Variants in RASA3 observed in about 807,000 individuals in gnomAD.
RASA3 encodes the protein ras GTPase-activating protein 3.
RASA3 carries 73 observed loss-of-function variants against 110.0 expected under a neutral mutation model. The ratio of observed to expected loss-of-function variants is 0.66; its 90% CI spans 0.55 to 0.81. RASA3 has a LOEUF of 0.81. RASA3 is among the 30% of genes least tolerant of loss of function. RASA3 has a pLI of 0.00. For synonymous variants in RASA3, 500 were observed against 451.4 expected (o/e 1.11, Z -1.37); for missense variants, 976 against 1,113.2 (o/e 0.88, Z 1.75).
intron 2 of RASA3, among the ~76,000 whole-genome samples, chr13:114,069,547 G>A (rs1343497572): frequency 1.7e-3 from 28 of 16,444 alleles, no homozygotes; most frequent in Admixed American, 2.2e-3. Context: ...CTCAGGGGTC[G>A]GGAGACTCGG....
chr13:114,060,692 C>T (rs1370142533), intron 2 of RASA3, among the ~76,000 whole-genome samples: 1 of 152,224 alleles, frequency 6.6e-6, no homozygotes, highest in African/African-American at 2.4e-5. Context: ...GCAGCTGGAG[C>T]CGCGCACGCC....
chr13:114,030,412 A>G lies in RASA3; in HGVS notation c.373-525T>C, dbSNP rs540474795. On this transcript the variant is annotated intron_variant, in intron 4 of 23. Transcript: ENST00000334062. Reference sequence around the variant, plus strand: ...CACAGGAGGCAAGACTCACGCAGAGAGCAAGACTCACACAGAGGGCAAGGC... The same window carrying G: ...CACAGGAGGCAAGACTCACGCAGAGGGCAAGACTCACACAGAGGGCAAGGC... Among the ~76,000 whole-genome samples, 409 of 59,892 alleles carry G rather than the reference A, an allele frequency of 6.8e-3. 9 individuals carry two copies. The highest frequency in any genetic ancestry group is 0.019 in the African/African-American group (356 of 18,890). The allele number at this position is 59,892 out of a possible 152,430, so 39.3% of individuals were successfully genotyped here.
intron 8 of RASA3, 73 bp from the exon 9 acceptor site, chr13:114,021,581 T>C (rs912429557): frequency 1.6e-6 from 2 of 1,247,864 alleles, no homozygotes; most frequent in Admixed American, 3.6e-5. Flanking sequence ...CAGGCCACGC[T>C]TTGTTCCCCC....
At chr13:114,004,681 G>A (rs1164665873) in intron 18 of RASA3, among the ~76,000 whole-genome samples, 2 of 152,170 alleles carry the variant, frequency 1.3e-5, no homozygotes, top group South Asian at 2.1e-4. Context: ...GCGCTTGCAC[G>A]CTGTGGGGAA....
chr13:114,060,684 A>G (rs1187192858), intron 2 of RASA3, among the ~76,000 whole-genome samples: 1 of 152,214 alleles, frequency 6.6e-6, no homozygotes, highest in Admixed American at 6.5e-5. Flanking sequence ...GGCAGGACGC[A>G]GCTGGAGCCG....
chr13:114,103,065 C>T (rs1305808204), intron 1 of RASA3, among the ~76,000 whole-genome samples: 1 of 152,166 alleles, frequency 6.6e-6, no homozygotes, highest in Admixed American at 6.5e-5. Context: ...GCAGCCGGCC[C>T]CAGGGGGAGA....
chr13:114,029,988 C>T (rs1456690986), intron 4 of RASA3, 101 bp from the exon 5 acceptor site: 18 of 1,096,226 alleles, frequency 1.6e-5, no homozygotes, highest in African/African-American at 3.1e-5. Context: ...AGGGAGCAGG[C>T]GGCCCCGCCC....
rs1421836247 is a variant in RASA3 at position 114,046,237 on chromosome 13, C to T, written c.278-5143G>A. Among the ~76,000 whole-genome samples the T allele has an allele frequency of 2.0e-5, 3 of 152,230 alleles. No homozygotes were observed. In the East Asian group the frequency reaches 5.8e-4, roughly 29 times the overall value. ...ACAGGTGGATCAATATGACACACAG[C>T]AGGCGAGCCCCAAATTGGGGCTTAG... On this transcript the variant is annotated intron_variant, in intron 3 of 23. Transcript: ENST00000334062.
At position 114,114,269 on chromosome 13, in the gene RASA3, G is replaced by T. The variant is rs2080252184; in HGVS notation, c.55+18166C>A. ...AAAGGCAACCGCAAATTCAGCTGCG[G>T]AGTGCAAAACGAATTTCCTCCTGTC... is the stretch of plus-strand genomic sequence containing the variant. On this transcript the variant is annotated intron_variant, in intron 1 of 23. Transcript: ENST00000334062. The surrounding 1 kb of genome is among the most constrained non-coding windows in gnomAD (Gnocchi z 4.8). Among the ~76,000 whole-genome samples the T allele has an allele frequency of 6.6e-6, 1 of 152,222 alleles. No individual in the cohort carries two copies. The highest frequency in any genetic ancestry group is 1.5e-5 in the Non-Finnish European group (1 of 68,042).
At chr13:113,980,655 A>C (rs1285978370) in intron 23 of RASA3, among the ~76,000 whole-genome samples, 1 of 152,258 alleles carries the variant, frequency 6.6e-6, no homozygotes, top group African/African-American at 2.4e-5. Flanking sequence ...GTCTCCCCAG[A>C]AGGGTGTCGA....
chr13:114,122,350 C>CA (rs1341578641), intron 1 of RASA3, among the ~76,000 whole-genome samples: 3 of 152,382 alleles, frequency 2.0e-5, no homozygotes, highest in African/African-American at 7.2e-5. Flanking sequence ...GAGAGTCCGG[C>CA]ATGGCCAGTC....
intron 1 of RASA3, among the ~76,000 whole-genome samples, chr13:114,104,749 G>A (rs970880915): frequency 6.6e-6 from 1 of 152,152 alleles, no homozygotes; most frequent in African/African-American, 2.4e-5. Context: ...AAGACTGCCT[G>A]AGAGAGCAGC....
In RASA3 at chr13:114,124,017, G is replaced by A. The variant is rs147629767; in HGVS notation, c.55+8418C>T. Among the ~76,000 whole-genome samples, 493 of 152,266 alleles carry A rather than the reference G, an allele frequency of 3.2e-3. 1 individual carries two copies. The highest frequency in any genetic ancestry group is 0.011 in the African/African-American group (467 of 41,554). ...AATTCCAGGTCAAGGCACCGGTTTC[G>A]GTCCCCAGTGCGGCTCCTGTCTCCT... On this transcript the variant is annotated intron_variant, in intron 1 of 23. Coordinates refer to ENST00000334062, the MANE Select transcript of RASA3 (RefSeq NM_007368.4).
chr13:114,022,432 CCA>C (rs1030832980), intron 8 of RASA3, among the ~76,000 whole-genome samples: 5 of 152,274 alleles, frequency 3.3e-5, no homozygotes, highest in African/African-American at 1.2e-4. Flanking sequence ...GGGCCTGAAA[CCA>C]CACAGTTACA....
intron 17 of RASA3, 143 bp downstream of exon 17, chr13:114,009,244 C>G: frequency 1.5e-6 from 1 of 673,902 alleles, no homozygotes; most frequent in South Asian, 1.8e-5. Flanking sequence ...GTCTGGACAG[C>G]GCTGTGAATG....
At chr13:114,078,524 G>A (rs1024931234) in intron 1 of RASA3, among the ~76,000 whole-genome samples, 2 of 152,130 alleles carry the variant, frequency 1.3e-5, no homozygotes, top group Non-Finnish European at 1.5e-5. Flanking sequence ...AAACATATGC[G>A]GTGTGTTCAC....
In RASA3 at chr13:114,056,070, G is replaced by A. The variant is rs1382552839; in HGVS notation, c.174-3915C>T. Among the ~76,000 whole-genome samples the A allele has an allele frequency of 3.9e-5, 6 of 152,284 alleles. No homozygotes were observed. Among genetic ancestry groups the A allele is most frequent in the East Asian group, 1.9e-4 (1 of 5,172 alleles). Reference sequence around the variant, plus strand: ...CCAGGCCTCGGGGTTCACCTGGCGCGTCACCGTTTCCCGAGAGCCCCCCGC... The same window carrying A: ...CCAGGCCTCGGGGTTCACCTGGCGCATCACCGTTTCCCGAGAGCCCCCCGC... On this transcript the variant is annotated intron_variant, in intron 2 of 23. Coordinates refer to ENST00000334062, the MANE Select transcript of RASA3 (RefSeq NM_007368.4). The surrounding 1 kb of genome is among the most constrained non-coding windows in gnomAD (Gnocchi z 5.7).
At chr13:114,071,546 G>C (rs749860410) in intron 2 of RASA3, among the ~76,000 whole-genome samples, 1 of 152,114 alleles carries the variant, frequency 6.6e-6, no homozygotes, top group Non-Finnish European at 1.5e-5. Flanking sequence ...TGAAGGGCTC[G>C]GTCTCTTCCC....
In RASA3 at chr13:114,014,357, C is replaced by T. The variant is rs953283335; in HGVS notation, c.1405+852G>A. The stretch of plus-strand genomic sequence containing the variant: ...GCCTCCCCCAGAACCCTGGGCCCCT[C>T]GGCCGGCGCTGTCTGACTGTCTGAT... On this transcript the variant is annotated intron_variant, in intron 14 of 23. Coordinates refer to ENST00000334062, the MANE Select transcript of RASA3 (RefSeq NM_007368.4). The surrounding 1 kb of genome is among the most constrained non-coding windows in gnomAD (Gnocchi z 4.5). Among the ~76,000 whole-genome samples the T allele has an allele frequency of 7.9e-5, 12 of 152,204 alleles. No homozygotes were observed. The highest frequency in any genetic ancestry group is 2.2e-4 in the African/African-American group (9 of 41,454).
Sources: allele counts gnomAD v4.1 joint callset (sites outside exome capture counted in the v4.1 genomes callset), GRCh38; gene constraint gnomAD v4.1.1; non-coding constraint Gnocchi (gnomAD v3.1); transcripts MANE v1.5; gene names NCBI Gene and HGNC (gene_info 2026-07-23, HGNC 2026-07-21).